The following CTBP2 variants were observed in gnomAD, a reference collection of about 807,000 sequenced individuals.
CTBP2 encodes the protein C-terminal binding protein 2, also known as C-terminal-binding protein 2.
CTBP2 carries 30 observed loss-of-function variants against 80.3 expected under a neutral mutation model. That is an observed-to-expected ratio of 0.37 (90% CI 0.28 to 0.51). The LOEUF is 0.51. CTBP2 is among the 20% of genes least tolerant of loss of function. The pLI is 0.93. For missense variants in CTBP2, 1,212 were observed against 1,375.3 expected (o/e 0.88, Z 1.88); for synonymous variants, 594 against 587.4 (o/e 1.01, Z -0.16).
In CTBP2 at chr10:125,136,600, G is replaced by A. The variant is rs145268892; in HGVS notation, c.-206+23719C>T. Among the ~76,000 whole-genome samples, 646 of 152,282 alleles carry A rather than the reference G, an allele frequency of 4.2e-3. 3 individuals are homozygous for A. The highest frequency in any genetic ancestry group is 0.015 in the African/African-American group (625 of 41,532). On this transcript the variant is annotated intron_variant, in intron 1 of 10. Transcript: ENST00000337195. ...AAAGAAAGAAAATGAACCCCATGGA[G>A]CCCATTCTTGCAGGAATTATGCCCT... is the stretch of plus-strand genomic sequence containing the variant.
chr10:125,056,840 C>G (rs1159538348), intron 2 of CTBP2, among the ~76,000 whole-genome samples: 1 of 152,250 alleles, frequency 6.6e-6, no homozygotes, highest in African/African-American at 2.4e-5. Flanking sequence ...ACCCACCTCC[C>G]AGTCCGTGTC....
intron 2 of CTBP2, among the ~76,000 whole-genome samples, chr10:125,052,423 C>T (rs950151093): frequency 2.6e-5 from 4 of 152,228 alleles, no homozygotes; most frequent in South Asian, 2.1e-4. Flanking sequence ...CCTGTGTTCG[C>T]CAGGGGAGAG....
At chr10:125,122,172 A>G (rs903459678) in intron 1 of CTBP2, among the ~76,000 whole-genome samples, 2 of 152,216 alleles carry the variant, frequency 1.3e-5, no homozygotes, top group African/African-American at 4.8e-5. Flanking sequence ...AGTCACTAAC[A>G]CTGGGAATCC....
At chr10:125,130,541 C>T (rs529040426) in intron 1 of CTBP2, among the ~76,000 whole-genome samples, 3 of 152,300 alleles carry the variant, frequency 2.0e-5, no homozygotes, top group East Asian at 1.9e-4. Context: ...TCTGAAGTTG[C>T]GTTCCCAGCT....
intron 2 of CTBP2, among the ~76,000 whole-genome samples, chr10:125,082,295 G>A (rs1847291338): frequency 6.6e-6 from 1 of 152,196 alleles, no homozygotes; most frequent in African/African-American, 2.4e-5. Context: ...CAGATGGGCT[G>A]CCTCTTAAGT....
At chr10:124,994,726 G>C in intron 4 of CTBP2, 43 bp from the exon 7 acceptor site, 1 of 1,587,192 alleles carries the variant, frequency 6.3e-7, no homozygotes, top group Non-Finnish European at 8.6e-7. Context: ...TCCACAGCCC[G>C]CGCCCCAGCG....
Position 125,066,308 on chromosome 10 carries a change from T to C in CTBP2, c.-101-27153A>G, listed in dbSNP as rs764217450. Among the ~76,000 whole-genome samples, 7 of 152,096 alleles carry C rather than the reference T, an allele frequency of 4.6e-5. No homozygotes were observed. The highest frequency in any genetic ancestry group is 8.8e-5 in the Non-Finnish European group (6 of 68,022). ...CAGCAGAGCCAGAGACTCAATGCTT[T>C]GTGTCACATGGAGCTACCAACATCA... On this transcript the variant is annotated intron_variant, in intron 2 of 10. Transcript: ENST00000337195. The surrounding 1 kb of genome is among the most constrained non-coding windows in gnomAD (Gnocchi z 4.1).
intron 2 of CTBP2, among the ~76,000 whole-genome samples, chr10:125,055,932 C>T (rs1414196400): frequency 2.0e-5 from 3 of 151,984 alleles, no homozygotes; most frequent in Admixed American, 6.6e-5. Context: ...TTTGGGAGGC[C>T]GAGGTGGGCA....
intron 2 of CTBP2, among the ~76,000 whole-genome samples, chr10:125,063,777 T>C (rs1844201877): frequency 6.6e-6 from 1 of 152,184 alleles, no homozygotes. Flanking sequence ...ACTTCCAAAG[T>C]AAACAAAAGC....
intron 8 of CTBP2, among the ~76,000 whole-genome samples, chr10:124,991,681 C>T (rs1471401115): frequency 6.6e-6 from 1 of 152,058 alleles, no homozygotes; most frequent in African/African-American, 2.4e-5. Flanking sequence ...TGGGTAGAGG[C>T]CAGGGATGCC....
chr10:125,020,128 C>T (rs547158713), intron 1 of CTBP2, among the ~76,000 whole-genome samples: 11 of 152,194 alleles, frequency 7.2e-5, no homozygotes, highest in Non-Finnish European at 1.2e-4. Flanking sequence ...GGTACTTATG[C>T]CCTTGGCTCC....
chr10:125,115,789 G>GGTGGCCTCACTGCCATCCTGTGGT (rs1853154171), intron 1 of CTBP2, among the ~76,000 whole-genome samples: 1 of 152,150 alleles, frequency 6.6e-6, no homozygotes, highest in South Asian at 2.1e-4. Flanking sequence ...TCCCTTGAAA[G>GGTGGCCTCACTGCCATCCTGTGGT]GTGGCCTCAC....
intron 2 of CTBP2, among the ~76,000 whole-genome samples, chr10:125,058,611 G>C (rs142234489): frequency 0.011 from 1,641 of 152,218 alleles, 28 homozygotes; most frequent in African/African-American, 0.037. Context: ...GGCCAACATG[G>C]CAAAACCCCA....
At position 125,039,554 on chromosome 10, in the gene CTBP2, C is replaced by T. The variant is rs542804595; in HGVS notation, c.-101-399G>A. Among the ~76,000 whole-genome samples, 9 of 152,322 alleles carry T rather than the reference C, an allele frequency of 5.9e-5. No individual in the cohort carries two copies. The South Asian group carries it at 1.0e-3, about 18-fold the overall frequency. On this transcript the variant is annotated intron_variant, in intron 2 of 10. Coordinates refer to the CTBP2 transcript ENST00000337195. Reference sequence around the variant, plus strand: ...AAACGCACTCACACTGAGATGCAGACGCACACCGTGGCGACTCGAGGGGCT... The same window carrying T: ...AAACGCACTCACACTGAGATGCAGATGCACACCGTGGCGACTCGAGGGGCT...
chr10:125,078,810 CCATT>C (rs949407922), intron 2 of CTBP2, among the ~76,000 whole-genome samples: 3 of 152,006 alleles, frequency 2.0e-5, no homozygotes, highest in Admixed American at 6.6e-5. Context: ...TGTTTTCCTA[CCATT>C]CATTACAAAT....
intron 2 of CTBP2, among the ~76,000 whole-genome samples, chr10:125,098,193 G>A (rs1849845645): frequency 1.3e-5 from 2 of 152,182 alleles, no homozygotes. Context: ...TGTTCAAAAA[G>A]TGCCTGCTAT....
chr10:125,139,252 T>C (rs1857415511), intron 1 of CTBP2, among the ~76,000 whole-genome samples: 1 of 151,152 alleles, frequency 6.6e-6, no homozygotes. Context: ...ACACCCGTAA[T>C]CCCAGCTACA....
chr10:125,094,038 TATA>T (rs1849181216), intron 2 of CTBP2, among the ~76,000 whole-genome samples: 1 of 152,132 alleles, frequency 6.6e-6, no homozygotes. Flanking sequence ...AGAAACGCAA[TATA>T]ATGTGGTTCA....
At chr10:125,100,721 T>C (rs1225604523) in intron 2 of CTBP2, 1 of 152,208 alleles carries the variant, frequency 6.6e-6, no homozygotes, top group Non-Finnish European at 1.5e-5. Flanking sequence ...GATGCAGAGT[T>C]GTCCTTCTTC....
Sources: allele counts gnomAD v4.1 joint callset (sites outside exome capture counted in the v4.1 genomes callset), GRCh38; gene constraint gnomAD v4.1.1; non-coding constraint Gnocchi (gnomAD v3.1); transcripts MANE v1.5; gene names NCBI Gene and HGNC (gene_info 2026-07-23, HGNC 2026-07-21).